The following EXOC5 variants were observed in gnomAD, a reference collection of about 807,000 sequenced individuals.
The protein encoded by EXOC5 is SEC10-like 1.
In EXOC5, 17 loss-of-function variants were observed where a neutral mutation model predicts 90.8. The ratio of observed to expected loss-of-function variants is 0.19; its 90% CI spans 0.13 to 0.28. EXOC5 has a LOEUF of 0.28. Among genes scored for constraint, EXOC5 ranks in the 10% least tolerant of loss-of-function variants. EXOC5 has a pLI of 1.00. For missense variants in EXOC5, 569 were observed against 830.6 expected (o/e 0.69, Z 3.87); for synonymous variants, 260 against 270.0 (o/e 0.96, Z 0.36).
At chr14:57,213,715 T>A (rs756270258) in intron 15 of EXOC5, among the ~76,000 whole-genome samples, 1 of 152,060 alleles carries the variant, frequency 6.6e-6, no homozygotes, top group African/African-American at 2.4e-5. Flanking sequence ...ACGCCTGTAA[T>A]CCCAGCACTT....
At chr14:57,251,764 C>G (rs577718054) in intron 1 of EXOC5, among the ~76,000 whole-genome samples, 2 of 151,452 alleles carry the variant, frequency 1.3e-5, no homozygotes, top group African/African-American at 4.8e-5. Context: ...TTAATGAAAC[C>G]AGAAGTTGGT....
rs1884185963 is a variant in EXOC5 at position 57,251,313 on chromosome 14, T to G, written c.28-3601A>C. On this transcript the variant is annotated intron_variant, in intron 1 of 17. Transcript: ENST00000621441. Reference sequence around the variant, plus strand: ...TCCTCCAAATATCTGAGATCCCTGCTCTGAGGGCTAATTGCTGCTTCAGAC... The same window carrying G: ...TCCTCCAAATATCTGAGATCCCTGCGCTGAGGGCTAATTGCTGCTTCAGAC... Among the ~76,000 whole-genome samples, 3 of 152,286 alleles carry G rather than the reference T, an allele frequency of 2.0e-5. 1 individual carries two copies. The South Asian group carries it at 6.2e-4, about 32-fold the overall frequency.
rs1412432816 is a variant in EXOC5 at position 57,206,409 on chromosome 14, C to T, written c.*2200G>A. ...TTTTTTTTTTCCCTCAGAGAAAGAC[C>T]ATCTGTTTAGGATAAATTTCTAGTC... On this transcript the variant is annotated 3_prime_UTR_variant, in exon 18 of 18. Coordinates refer to ENST00000621441, the MANE Select transcript of EXOC5 (RefSeq NM_006544.4). 2 of 154,824 alleles carry T rather than the reference C, an allele frequency of 1.3e-5. No homozygotes were observed. The highest frequency in any genetic ancestry group is 1.3e-4 in the Admixed American group (2 of 15,458). 9.6% of individuals were successfully genotyped at this position (154,824 alleles called of 1,614,324 possible). A position where few individuals can be genotyped will look rare whatever the true frequency, so the allele number is the denominator to read the frequency against.
intron 6 of EXOC5, among the ~76,000 whole-genome samples, chr14:57,237,135 T>C (rs545227545): frequency 1.3e-4 from 20 of 152,196 alleles, no homozygotes; most frequent in African/African-American, 4.3e-4. Flanking sequence ...TGTATATCCA[T>C]AGATTATTCT....
chr14:57,254,292 C>T (rs138884072), intron 1 of EXOC5, among the ~76,000 whole-genome samples: 25 of 151,910 alleles, frequency 1.6e-4, no homozygotes, highest in East Asian at 5.8e-4. Flanking sequence ...AAAATTAGCT[C>T]GGTGTGGTGG....
Position 57,234,708 on chromosome 14 carries a change from G to A in EXOC5, c.670-676C>T, listed in dbSNP as rs145278442. Among the ~76,000 whole-genome samples the A allele has an allele frequency of 7.9e-3, 1,198 of 151,710 alleles. 19 individuals are homozygous for A. The highest frequency in any genetic ancestry group is 0.027 in the African/African-American group (1,111 of 41,360). On this transcript the variant is annotated intron_variant, in intron 7 of 17. Transcript: ENST00000621441. Reference sequence around the variant, plus strand: ...AGCCTCCCGAGTAGCTGGGACTACAGGCACATGCCTCCCCTCCGGCTAATT... The same window carrying A: ...AGCCTCCCGAGTAGCTGGGACTACAAGCACATGCCTCCCCTCCGGCTAATT...
chr14:57,240,346 A>T (rs1047999808), intron 4 of EXOC5, among the ~76,000 whole-genome samples: 4 of 151,986 alleles, frequency 2.6e-5, no homozygotes, highest in Non-Finnish European at 5.9e-5. Context: ...CAATGGCGCG[A>T]TATCTGCTCA....
chr14:57,240,510 G>A (rs1450424949), intron 4 of EXOC5, among the ~76,000 whole-genome samples: 2 of 152,036 alleles, frequency 1.3e-5, no homozygotes, highest in African/African-American at 4.8e-5. Context: ...TTGAACTCCT[G>A]ACCTTAGGTG....
intron 11 of EXOC5, among the ~76,000 whole-genome samples, chr14:57,230,277 C>T (rs1038932951): frequency 1.2e-4 from 19 of 152,018 alleles, no homozygotes; most frequent in African/African-American, 4.4e-4. Context: ...TAAGATTATG[C>T]ACATTTATTC....
intron 5 of EXOC5, 77 bp downstream of exon 5, chr14:57,239,518 A>G: frequency 1.2e-6 from 1 of 868,592 alleles, no homozygotes; most frequent in Non-Finnish European, 1.8e-6. Context: ...GGCAAAGAAA[A>G]TCATACAGGA....
At chr14:57,241,863 G>A (rs997875732) in intron 4 of EXOC5, among the ~76,000 whole-genome samples, 1 of 152,124 alleles carries the variant, frequency 6.6e-6, no homozygotes, top group Non-Finnish European at 1.5e-5. Flanking sequence ...ACCAGGTGCG[G>A]TGGCTCATGC....
intron 5 of EXOC5, among the ~76,000 whole-genome samples, chr14:57,237,904 T>C (rs1883711239): frequency 6.6e-6 from 1 of 152,122 alleles, no homozygotes; most frequent in African/African-American, 2.4e-5. Context: ...GCAATGTGCC[T>C]AGCAGAGTAG....
chr14:57,268,774 C>T lies in EXOC5; in HGVS notation c.-126G>A. The T allele has an allele frequency of 1.4e-6, 2 of 1,451,604 alleles. No individual in the cohort carries two copies. Among genetic ancestry groups the T allele is most frequent in the African/African-American group, 1.5e-5 (1 of 68,536 alleles). 89.9% of individuals were successfully genotyped at this position (1,451,604 alleles called of 1,614,324 possible). A position where few individuals can be genotyped will look rare whatever the true frequency, so the allele number is the denominator to read the frequency against. ...TCCGGCTCCGGGCCGCTGCGGGCTC[C>T]CCAGCTCCCCACAGATCCCAGGAGG... On this transcript the variant is annotated 5_prime_UTR_variant, in exon 1 of 18. Transcript: ENST00000621441.
At chr14:57,231,074 T>C (rs1320841197) in intron 11 of EXOC5, among the ~76,000 whole-genome samples, 2 of 151,458 alleles carry the variant, frequency 1.3e-5, no homozygotes, top group Non-Finnish European at 2.9e-5. Context: ...AGTGGCGTAA[T>C]CTTGGCTCAC....
intron 12 of EXOC5, among the ~76,000 whole-genome samples, chr14:57,224,401 C>G (rs114290832): frequency 6.6e-6 from 1 of 152,024 alleles, no homozygotes; most frequent in Non-Finnish European, 1.5e-5. Context: ...CATCACTGTA[C>G]GCATTCTACA....
chr14:57,247,107 T>C lies in EXOC5; in HGVS notation c.123-249A>G, dbSNP rs74524895. On this transcript the variant is annotated intron_variant, in intron 2 of 17. Coordinates refer to ENST00000621441, the MANE Select transcript of EXOC5 (RefSeq NM_006544.4). ...AAAGCAAACATGACATTTGAAAATA[T>C]AGCCAGGCTTTAACTATTGACTTTT... Among the ~76,000 whole-genome samples, 1,238 of 152,270 alleles carry C rather than the reference T, an allele frequency of 8.1e-3. 20 individuals are homozygous for C. The highest frequency in any genetic ancestry group is 0.027 in the African/African-American group (1,127 of 41,566).
chr14:57,225,543 T>C (rs1415256413), intron 12 of EXOC5, among the ~76,000 whole-genome samples: 1 of 150,504 alleles, frequency 6.6e-6, no homozygotes, highest in Non-Finnish European at 1.5e-5. Context: ...ACTGTATTTA[T>C]GGGCTGATAA....
chr14:57,222,347 T>C lies in EXOC5; in HGVS notation c.1366A>G (p.Ile456Val), dbSNP rs763495394. 6 of 1,594,604 alleles carry C rather than the reference T, an allele frequency of 3.8e-6. No homozygotes were observed. The highest frequency in any genetic ancestry group is 1.7e-4 in the Middle Eastern group (1 of 5,888). The change falls in exon 13 of 18, where the codon ATT becomes GTT. Residue 456 changes from isoleucine to valine, a missense_variant. Transcript: ENST00000621441. The part of the protein sequence containing the change: ...IFTILVEFLC[I>V]EHIDYALETG... ...TCCAAAGCATAATCAATATGCTCAA[T>C]ACATAAAAATTCCACAAGAATGGTA... is the stretch of plus-strand genomic sequence containing the variant.
intron 12 of EXOC5, 114 bp from the exon 13 acceptor site, chr14:57,222,530 T>C (rs1390931931): frequency 1.8e-6 from 1 of 541,698 alleles, no homozygotes; most frequent in South Asian, 2.9e-5. Context: ...GGTATGAAAA[T>C]AACTCACAGC....
Sources: allele counts gnomAD v4.1 joint callset (sites outside exome capture counted in the v4.1 genomes callset), GRCh38; gene constraint gnomAD v4.1.1; transcripts MANE v1.5; gene names NCBI Gene and HGNC (gene_info 2026-07-23, HGNC 2026-07-21).